CNTN1: variants seen among roughly 807,000 people sequenced by gnomAD.
CNTN1 encodes contactin-1.
CNTN1 carries 38 observed loss-of-function variants against 126.4 expected under a neutral mutation model. That is an observed-to-expected ratio of 0.30 (90% confidence interval 0.23 to 0.39). CNTN1 has a LOEUF of 0.39. Ranked by LOEUF, CNTN1 falls within the 10% of genes least tolerant of loss-of-function variation. The probability of loss-of-function intolerance (pLI) is 1.00; values close to 1 mark genes in which losing one functional copy is unlikely to be tolerated. For synonymous variants in CNTN1, 413 were observed against 422.6 expected (o/e 0.98, Z 0.28); for missense variants, 1,009 against 1,248.4 (o/e 0.81, Z 2.89).
At chr12:40,779,964 T>C (rs1928556) in intron 1 of CNTN1, among the ~76,000 whole-genome samples, 76,790 of 151,680 alleles carry the variant, frequency 0.51, 20,601 homozygotes, top group East Asian at 0.67. Context: ...ACAGGTGTCA[T>C]TCTGGAGCAA....
intron 1 of CNTN1, among the ~76,000 whole-genome samples, chr12:40,864,479 T>G (rs1380992762): frequency 6.6e-6 from 1 of 152,158 alleles, no homozygotes. Flanking sequence ...AAGTGTTGGC[T>G]TCATTCTGCC....
At chr12:40,952,148 T>C (rs1706276047) in intron 14 of CNTN1, among the ~76,000 whole-genome samples, 1 of 152,042 alleles carries the variant, frequency 6.6e-6, no homozygotes, top group South Asian at 2.1e-4. Context: ...TTATCTGATC[T>C]ATTAAGCACT....
rs141056412 is a variant in CNTN1 at position 40,718,927 on chromosome 12, C to G, written c.-77+26335C>G. Among the ~76,000 whole-genome samples the G allele has an allele frequency of 3.3e-3, 506 of 151,752 alleles. 1 individual carries two copies. The highest frequency in any genetic ancestry group is 0.012 in the African/African-American group (477 of 41,360). On this transcript the variant is annotated intron_variant, in intron 1 of 23. Transcript: ENST00000551295. ...GATTTTTTTTTTTCCCATTAGAGAA[C>G]ATTTTCCAAAGATGCCCTTAGAAGG...
intron 1 of CNTN1, among the ~76,000 whole-genome samples, chr12:40,813,724 T>G (rs1793496513): frequency 6.6e-6 from 1 of 152,222 alleles, no homozygotes; most frequent in African/African-American, 2.4e-5. Flanking sequence ...ATGGGATTGC[T>G]GGGTCAAATG....
chr12:40,787,106 T>C (rs190661809), intron 1 of CNTN1, among the ~76,000 whole-genome samples: 60 of 152,302 alleles, frequency 3.9e-4, no homozygotes, highest in Admixed American at 1.2e-3. Context: ...GTTATTTATT[T>C]ATATCAATTT....
rs140855049 is a variant in CNTN1, at chr12:40,781,156, C to T, written c.-77+88564C>T. Among the ~76,000 whole-genome samples the T allele has an allele frequency of 5.5e-3, 837 of 152,020 alleles. 4 individuals are homozygous for T. Among genetic ancestry groups the T allele is most frequent in the Non-Finnish European group, 9.9e-3 (670 of 67,922 alleles). On this transcript the variant is annotated intron_variant, in intron 1 of 23. Transcript: ENST00000551295. Reference sequence around the variant, plus strand: ...AGAATAGTGCATCTTGGGACATAAGCTATGACTATATTAGACCTTCAAAGC... The same window carrying T: ...AGAATAGTGCATCTTGGGACATAAGTTATGACTATATTAGACCTTCAAAGC...
intron 16 of CNTN1, among the ~76,000 whole-genome samples, chr12:40,984,184 T>TA (rs1481267435): frequency 6.6e-6 from 1 of 151,720 alleles, no homozygotes; most frequent in Non-Finnish European, 1.5e-5. Flanking sequence ...TCACTTTCTA[T>TA]AAATGTTTGC....
At position 40,803,740 on chromosome 12, in the gene CNTN1, G is replaced by A. The variant is rs562225364; in HGVS notation, c.-76-104617G>A. Reference sequence around the variant, plus strand: ...AAGAGTAGATGAGAATATCTAGGGAGAGAACATGAAGGAGAAGAGGAGAGG... The same window carrying A: ...AAGAGTAGATGAGAATATCTAGGGAAAGAACATGAAGGAGAAGAGGAGAGG... On this transcript the variant is annotated intron_variant, in intron 1 of 23. Transcript: ENST00000551295. Among the ~76,000 whole-genome samples, 133 of 151,758 alleles carry A rather than the reference G, an allele frequency of 8.8e-4. 2 individuals carry two copies. Among genetic ancestry groups the A allele is most frequent in the Non-Finnish European group, 1.3e-3 (86 of 67,884 alleles).
chr12:41,001,588 G>A (rs571335164), intron 17 of CNTN1, among the ~76,000 whole-genome samples: 1 of 152,110 alleles, frequency 6.6e-6, no homozygotes, highest in Non-Finnish European at 1.5e-5. Context: ...CTGTGCAGAA[G>A]CTCTTTAGTT....
intron 1 of CNTN1, among the ~76,000 whole-genome samples, chr12:40,843,716 T>G (rs540616967): frequency 6.6e-5 from 10 of 152,186 alleles, no homozygotes; most frequent in Non-Finnish European, 1.3e-4. Flanking sequence ...TGTTTAGAGA[T>G]AAATGCCCTG....
chr12:40,846,046 T>A (rs928628732), intron 1 of CNTN1, among the ~76,000 whole-genome samples: 2 of 152,134 alleles, frequency 1.3e-5, no homozygotes, highest in African/African-American at 4.8e-5. Flanking sequence ...TGGGAAATAA[T>A]CAGTTTATAG....
intron 17 of CNTN1, among the ~76,000 whole-genome samples, chr12:41,006,529 A>AGTT (rs1456484902): frequency 6.6e-6 from 1 of 152,248 alleles, no homozygotes; most frequent in African/African-American, 2.4e-5. Context: ...TCCACCATAT[A>AGTT]GTTCTGCATA....
chr12:40,896,327 A>G (rs1052919935), intron 1 of CNTN1, among the ~76,000 whole-genome samples: 2 of 152,106 alleles, frequency 1.3e-5, no homozygotes, highest in African/African-American at 4.8e-5. Context: ...CTTATAGTAT[A>G]GTTAGGGGTA....
chr12:40,708,811 G>GAA (rs1941836075), intron 1 of CNTN1, among the ~76,000 whole-genome samples: 1 of 152,152 alleles, frequency 6.6e-6, no homozygotes. Flanking sequence ...CTCCTCTTCT[G>GAA]TAACAGTTTT....
At chr12:41,034,158 T>A (rs1949206315) in intron 23 of CNTN1, among the ~76,000 whole-genome samples, 1 of 152,222 alleles carries the variant, frequency 6.6e-6, no homozygotes, top group Non-Finnish European at 1.5e-5. Flanking sequence ...TTTTTCCATT[T>A]GATTTAAAGT....
intron 1 of CNTN1, among the ~76,000 whole-genome samples, chr12:40,809,814 T>TTACACACA (rs1940985807): frequency 6.8e-6 from 1 of 146,744 alleles, no homozygotes; most frequent in African/African-American, 2.6e-5. Context: ...AGACTCTGTC[T>TTACACACA]CACACACACA....
intron 5 of CNTN1, among the ~76,000 whole-genome samples, chr12:40,923,756 G>A (rs1242468811): frequency 6.6e-6 from 1 of 152,144 alleles, no homozygotes; most frequent in East Asian, 1.9e-4. Flanking sequence ...TGGCATTCAA[G>A]TAAGACACCA....
At chr12:40,884,830 A>G (rs1320991059) in intron 1 of CNTN1, among the ~76,000 whole-genome samples, 1 of 151,498 alleles carries the variant, frequency 6.6e-6, no homozygotes, top group African/African-American at 2.4e-5. Context: ...TTTTTTCCCA[A>G]TTTACATTTT....
At chr12:40,845,795 T>A (rs1942479111) in intron 1 of CNTN1, among the ~76,000 whole-genome samples, 1 of 152,150 alleles carries the variant, frequency 6.6e-6, no homozygotes, top group Admixed American at 6.5e-5. Context: ...TCTGCACCAC[T>A]CCCCAACCCC....
Sources: gnomAD v4.1 joint callset for allele counts (sites outside exome capture counted in the v4.1 genomes callset) on GRCh38, gnomAD v4.1.1 for gene constraint, MANE v1.5 for transcripts, NCBI Gene and HGNC (gene_info 2026-07-23, HGNC 2026-07-21) for gene names.